The following KHDRBS2 variants were observed in gnomAD, a reference collection of about 807,000 sequenced individuals.
KHDRBS2 encodes KH domain-containing, RNA-binding, signal transduction-associated protein 2.
Under a neutral mutation model 44.3 loss-of-function variants are expected in KHDRBS2, and 26 were observed. That is an observed-to-expected ratio of 0.59 (90% CI 0.43 to 0.81). The LOEUF is 0.81. Among genes scored for constraint, KHDRBS2 ranks in the 40% least tolerant of loss-of-function variants. The pLI is 0.00. For synonymous variants in KHDRBS2, 194 were observed against 151.1 expected (o/e 1.28, Z -2.08); for missense variants, 476 against 433.1 (o/e 1.10, Z -0.88).
chr6:62,176,468 C>T (rs924535488), intron 2 of KHDRBS2, among the ~76,000 whole-genome samples: 16 of 151,200 alleles, frequency 1.1e-4, no homozygotes, highest in African/African-American at 3.9e-4. Flanking sequence ...TTACATGGTC[C>T]TTGCTTCACA....
At chr6:62,022,203 AT>A (rs1056473953) in intron 3 of KHDRBS2, among the ~76,000 whole-genome samples, 4 of 151,704 alleles carry the variant, frequency 2.6e-5, no homozygotes, top group Admixed American at 6.6e-5. Context: ...AAGTAAAAAA[AT>A]GTTTCCTTAT....
intron 1 of KHDRBS2, among the ~76,000 whole-genome samples, chr6:62,258,224 G>A (rs574763187): frequency 1.4e-4 from 22 of 152,094 alleles, no homozygotes; most frequent in African/African-American, 4.8e-4. Context: ...GGATAAAGAC[G>A]CACTCTGCTA....
chr6:61,758,666 C>T (rs1778854852), intron 6 of KHDRBS2, among the ~76,000 whole-genome samples: 1 of 151,856 alleles, frequency 6.6e-6, no homozygotes, highest in Non-Finnish European at 1.5e-5. Context: ...CATAACTTTT[C>T]CAAAAATAGA....
intron 3 of KHDRBS2, among the ~76,000 whole-genome samples, chr6:61,980,308 T>G (rs1176470376): frequency 1.3e-5 from 2 of 152,196 alleles, no homozygotes; most frequent in Non-Finnish European, 2.9e-5. Context: ...CATAATCTAA[T>G]GTGGAACACA....
At chr6:61,573,894 A>ATTACAAGG in the KHDRBS2 span, among the ~76,000 whole-genome samples, 6 of 59,818 alleles carry the variant, frequency 1.0e-4, no homozygotes, top group East Asian at 3.9e-3. Context: ...TTCTAACTAT[A>ATTACAAGG]CTAACTAGTT....
At chr6:61,832,702 G>A (rs1259998518) in intron 6 of KHDRBS2, among the ~76,000 whole-genome samples, 1 of 152,084 alleles carries the variant, frequency 6.6e-6, no homozygotes, top group African/African-American at 2.4e-5. Flanking sequence ...AACTCCTTAA[G>A]AACAGTCCAA....
At chr6:61,877,874 G>A (rs1365348017) in intron 6 of KHDRBS2, among the ~76,000 whole-genome samples, 3 of 151,716 alleles carry the variant, frequency 2.0e-5, no homozygotes, top group African/African-American at 7.3e-5. Context: ...ATCTTGTGAA[G>A]ATTGTTTTTT....
chr6:61,909,738 T>C (rs550470631), intron 4 of KHDRBS2, among the ~76,000 whole-genome samples: 5 of 152,332 alleles, frequency 3.3e-5, no homozygotes, highest in South Asian at 4.1e-4. Context: ...CGTACACTCA[T>C]GTCCATCTGT....
chr6:62,030,831 T>C (rs1305994936), intron 3 of KHDRBS2, among the ~76,000 whole-genome samples: 1 of 152,090 alleles, frequency 6.6e-6, no homozygotes, highest in African/African-American at 2.4e-5. Flanking sequence ...CACAAAGACA[T>C]ATATAAATCG....
intron 2 of KHDRBS2, among the ~76,000 whole-genome samples, chr6:62,111,733 T>G (rs1345309713): frequency 6.6e-6 from 1 of 151,964 alleles, no homozygotes; most frequent in East Asian, 1.9e-4. Context: ...AATTAGAAAA[T>G]TAGCCGAGTA....
intron 2 of KHDRBS2, among the ~76,000 whole-genome samples, chr6:62,161,959 T>G (rs941116921): frequency 2.6e-5 from 4 of 152,082 alleles, no homozygotes; most frequent in African/African-American, 9.7e-5. Flanking sequence ...TACATCTTTA[T>G]ATATTATATG....
At position 61,694,152 on chromosome 6, in the gene KHDRBS2, A is replaced by C. The variant is rs1767653724; in HGVS notation, c.952+3043T>G. On this transcript the variant is annotated intron_variant, in intron 8 of 8. Coordinates refer to ENST00000281156, the MANE Select transcript of KHDRBS2 (RefSeq NM_152688.4). ...AAGTAAAAGTTTGATTTTTCAAAAA[A>C]TGACTACTTACAAATAATAATATGC... Among the ~76,000 whole-genome samples the C allele has an allele frequency of 1.3e-5, 2 of 152,164 alleles. 1 individual carries two copies. The highest frequency in any genetic ancestry group is 4.1e-4 in the South Asian group (2 of 4,832).
intron 4 of KHDRBS2, among the ~76,000 whole-genome samples, chr6:61,922,301 T>C (rs1481103018): frequency 6.6e-6 from 1 of 152,046 alleles, no homozygotes; most frequent in African/African-American, 2.4e-5. Flanking sequence ...TGGTAAGCCC[T>C]ATGTCTTATT....
chr6:61,648,641 T>C, the KHDRBS2 span, among the ~76,000 whole-genome samples: 33 of 152,246 alleles, frequency 2.2e-4, no homozygotes, highest in Middle Eastern at 6.8e-3. Flanking sequence ...AAAGCAATTA[T>C]ATAGAAAAGT....
intron 6 of KHDRBS2, among the ~76,000 whole-genome samples, chr6:61,892,642 G>A (rs1343040437): frequency 6.6e-6 from 1 of 152,044 alleles, no homozygotes; most frequent in Non-Finnish European, 1.5e-5. Context: ...AGAAAAACAA[G>A]CAATGGGGAA....
chr6:61,633,515 C>T, the KHDRBS2 span, among the ~76,000 whole-genome samples: 2 of 152,116 alleles, frequency 1.3e-5, no homozygotes, highest in Admixed American at 1.3e-4. Context: ...ACAAAATCTG[C>T]AATCTGGCTT....
At chr6:61,556,376 T>C in the KHDRBS2 span, among the ~76,000 whole-genome samples, 1 of 152,146 alleles carries the variant, frequency 6.6e-6, no homozygotes, top group Non-Finnish European at 1.5e-5. Flanking sequence ...CACCAAAAAA[T>C]CAATAAGAAT....
chr6:61,572,495 C>A, the KHDRBS2 span, among the ~76,000 whole-genome samples: 1 of 151,918 alleles, frequency 6.6e-6, no homozygotes, highest in African/African-American at 2.4e-5. Context: ...AATACAAAAC[C>A]AGGAAAAGAC....
chr6:61,628,679 C>T, the KHDRBS2 span, among the ~76,000 whole-genome samples: 6 of 152,108 alleles, frequency 3.9e-5, no homozygotes, highest in Non-Finnish European at 7.4e-5. Context: ...TTACAGTTCT[C>T]CATTCCTTAG....
Sources: allele counts gnomAD v4.1 joint callset (sites outside exome capture counted in the v4.1 genomes callset), GRCh38; gene constraint gnomAD v4.1.1; transcripts MANE v1.5; gene names NCBI Gene and HGNC (gene_info 2026-07-23, HGNC 2026-07-21).